The following CLEC4A variants were observed in gnomAD, a reference collection of about 807,000 sequenced individuals.
CLEC4A encodes C-type (calcium dependent, carbohydrate-recognition domain) lectin, superfamily member 6.
CLEC4A carries 27 observed loss-of-function variants against 32.7 expected under a neutral mutation model. That is an observed-to-expected ratio of 0.83 (90% confidence interval 0.61 to 1.14). CLEC4A has a LOEUF of 1.14. Ranked by LOEUF, CLEC4A falls within the 50% of genes most tolerant of loss-of-function variation. The pLI, the probability that CLEC4A is intolerant of heterozygous loss-of-function variation, is 0.00. For missense variants in CLEC4A, 253 were observed against 274.6 expected (o/e 0.92, Z 0.55); for synonymous variants, 89 against 93.7 (o/e 0.95, Z 0.29).
chr12:8,114,003 G>A, the CLEC4A span, among the ~76,000 whole-genome samples: 1 of 152,186 alleles, frequency 6.6e-6, no homozygotes, highest in South Asian at 2.1e-4. Flanking sequence ...ATTCGTACTT[G>A]TAATGTCAGA....
chr12:8,138,028 G>T, intron 5 of CLEC4A, 112 bp from the exon 6 acceptor site: 1 of 1,160,560 alleles, frequency 8.6e-7, no homozygotes, highest in Non-Finnish European at 1.2e-6. Context: ...GTGGATTTGG[G>T]CATATCTGAC....
chr12:8,112,081 G>T, the CLEC4A span, among the ~76,000 whole-genome samples: 2 of 152,118 alleles, frequency 1.3e-5, no homozygotes, highest in African/African-American at 4.8e-5. Flanking sequence ...CAATTCTCCT[G>T]CCTCAGCCTC....
intron 2 of CLEC4A, among the ~76,000 whole-genome samples, chr12:8,128,281 T>G (rs1947934985): frequency 6.6e-6 from 1 of 151,994 alleles, no homozygotes; most frequent in South Asian, 2.1e-4. Flanking sequence ...GGAAGAGGAC[T>G]AAGTAACCCT....
the CLEC4A span, among the ~76,000 whole-genome samples, chr12:8,106,316 C>G: frequency 6.6e-6 from 1 of 152,048 alleles, no homozygotes; most frequent in Non-Finnish European, 1.5e-5. Context: ...TGAAGTCAGG[C>G]GACACAATGC....
chr12:8,108,067 A>G, the CLEC4A span, among the ~76,000 whole-genome samples: 1 of 152,144 alleles, frequency 6.6e-6, no homozygotes, highest in Non-Finnish European at 1.5e-5. Context: ...GCTGTGTCCC[A>G]GAGATTCTGG....
At chr12:8,126,020 G>A (rs1947895426) in intron 2 of CLEC4A, among the ~76,000 whole-genome samples, 2 of 152,196 alleles carry the variant, frequency 1.3e-5, no homozygotes, top group Admixed American at 1.3e-4. Flanking sequence ...TATCAGGCCA[G>A]TCTGATTTGA....
intron 3 of CLEC4A, among the ~76,000 whole-genome samples, chr12:8,132,523 A>C (rs1459139989): frequency 3.9e-5 from 6 of 152,160 alleles, no homozygotes; most frequent in African/African-American, 9.7e-5. Flanking sequence ...TGATTTCAGC[A>C]ATTTTAAATT....
the CLEC4A span, among the ~76,000 whole-genome samples, chr12:8,110,736 A>G: frequency 6.6e-6 from 1 of 152,164 alleles, no homozygotes; most frequent in African/African-American, 2.4e-5. Flanking sequence ...CCTAACTCCT[A>G]ATACAGTGTT....
At chr12:8,107,472 C>T in the CLEC4A span, among the ~76,000 whole-genome samples, 3 of 152,164 alleles carry the variant, frequency 2.0e-5, no homozygotes, top group South Asian at 2.1e-4. Context: ...CTTCTTTATA[C>T]ATCCAGTAGA....
At chr12:8,126,033 G>A (rs771439467) in intron 2 of CLEC4A, among the ~76,000 whole-genome samples, 1 of 152,192 alleles carries the variant, frequency 6.6e-6, no homozygotes, top group East Asian at 1.9e-4. Context: ...TGATTTGAAT[G>A]CACAGACATT....
chr12:8,123,302 A>G (rs1168746985), upstream of CLEC4A, among the ~76,000 whole-genome samples: 1 of 152,176 alleles, frequency 6.6e-6, no homozygotes, highest in Admixed American at 6.5e-5. Context: ...AAACTTTGCC[A>G]TCCCCACCAT....
the CLEC4A span, among the ~76,000 whole-genome samples, chr12:8,114,915 A>G: frequency 6.6e-6 from 1 of 152,214 alleles, no homozygotes; most frequent in Non-Finnish European, 1.5e-5. Flanking sequence ...AGGACCCAAT[A>G]GCATTTCTCA....
intron 3 of CLEC4A, chr12:8,134,127 CT>C: frequency 1.2e-6 from 2 of 1,601,740 alleles, no homozygotes; most frequent in South Asian, 2.2e-5. Context: ...TCCAGGTTGC[CT>C]CTCACTTGGT....
At position 8,123,940 on chromosome 12, in the gene CLEC4A, T is replaced by C. The variant is rs142534143; in HGVS notation, c.62T>C (p.Ile21Thr). Reference protein sequence around the residue: ...RFKNEFKSSGINTASSAASKE... With the variant: ...RFKNEFKSSGTNTASSAASKE... The stretch of plus-strand genomic sequence containing the variant: ...AAAAATGAATTCAAGTCCTCAGGCA[T>C]CAACACAGCCTCTTCTGCAGGTAAA... Residue 21 changes from isoleucine (I) to threonine (T), a missense_variant, in exon 1 of 6, where the codon ATC becomes ACC. Ile to Thr is a moderately conservative substitution (Grantham distance 89, BLOSUM62 -1). Transcript: ENST00000229332. 4.5e-5 allele frequency: 73 copies of C among 1,610,980 alleles called. 1 individual carries two copies. Among genetic ancestry groups the C allele is most frequent in the Middle Eastern group, 3.3e-4 (2 of 6,060 alleles).
intron 3 of CLEC4A, among the ~76,000 whole-genome samples, chr12:8,129,974 T>C (rs1345128054): frequency 2.0e-5 from 3 of 152,102 alleles, no homozygotes; most frequent in African/African-American, 7.2e-5. Flanking sequence ...TAGCTGAGAC[T>C]ACAAGCACAC....
chr12:8,114,400 A>G, the CLEC4A span, among the ~76,000 whole-genome samples: 2 of 151,874 alleles, frequency 1.3e-5, no homozygotes, highest in East Asian at 1.9e-4. Context: ...GCCCGCCACC[A>G]CGCCCGGCTA....
the CLEC4A span, among the ~76,000 whole-genome samples, chr12:8,109,377 G>C: frequency 6.6e-6 from 1 of 152,162 alleles, no homozygotes; most frequent in Admixed American, 6.5e-5. Flanking sequence ...GCAGTAAAGA[G>C]TAGTGGTCAG....
At chr12:8,137,850 A>G (rs986113881) in intron 5 of CLEC4A, among the ~76,000 whole-genome samples, 2 of 152,214 alleles carry the variant, frequency 1.3e-5, no homozygotes, top group African/African-American at 4.8e-5. Context: ...TGATGGACCC[A>G]TAGGAACAGG....
At chr12:8,121,078 T>C (rs749422511), upstream of CLEC4A, 5 of 152,342 alleles carry the variant, frequency 3.3e-5, no homozygotes, top group South Asian at 1.0e-3. Context: ...TGCAGTCAAC[T>C]CCAAGGTGGC....
Sources: gnomAD v4.1 joint callset for allele counts (sites outside exome capture counted in the v4.1 genomes callset) on GRCh38, gnomAD v4.1.1 for gene constraint, MANE v1.5 for transcripts, NCBI Gene and HGNC (gene_info 2026-07-23, HGNC 2026-07-21) for gene names.